CEACAM5: variants seen among roughly 807,000 people sequenced by gnomAD.
CEACAM5 encodes cell adhesion molecule CEACAM5.
A neutral mutation model predicts 63.0 loss-of-function variants in CEACAM5; 52 were observed. The ratio of observed to expected loss-of-function variants is 0.83; its 90% CI spans 0.66 to 1.04. The LOEUF (loss-of-function observed/expected upper bound fraction) is 1.04, where lower values mean the gene tolerates loss of function less well. Among genes scored for constraint, CEACAM5 ranks in the 50% least tolerant of loss-of-function variants. The probability of loss-of-function intolerance (pLI) is 0.00; values close to 1 mark genes in which losing one functional copy is unlikely to be tolerated. For synonymous variants in CEACAM5, 357 were observed against 351.3 expected (o/e 1.02, Z -0.18); for missense variants, 790 against 864.8 (o/e 0.91, Z 1.08).
rs1255506950 is a variant in CEACAM5 at position 41,729,756 on chromosome 19, C to T, written c.*609C>T. The T allele has an allele frequency of 3.9e-5, 6 of 152,168 alleles. No individual in the cohort carries two copies. Among genetic ancestry groups the T allele is most frequent in the Non-Finnish European group, 2.9e-5 (2 of 68,038 alleles). The allele number at this position is 152,168 out of a possible 1,614,324, so 9.4% of individuals were successfully genotyped here. On this transcript the variant is annotated 3_prime_UTR_variant, in exon 10 of 10. Coordinates refer to ENST00000221992, the MANE Select transcript of CEACAM5 (RefSeq NM_004363.6). ...AACTTTTTTTCTTTTAAGCTATCCA[C>T]AGCTTACAGCAATTTGATAAAATAT... is the stretch of plus-strand genomic sequence containing the variant.
intron 8 of CEACAM5, among the ~76,000 whole-genome samples, chr19:41,724,400 T>C (rs994989367): frequency 1.3e-5 from 2 of 152,236 alleles, no homozygotes; most frequent in African/African-American, 2.4e-5. Context: ...AATCAGGAAG[T>C]GTGAGTCCTC....
chr19:41,720,248 C>T, intron 7 of CEACAM5, 40 bp downstream of exon 7: 2 of 1,598,022 alleles, frequency 1.3e-6, no homozygotes, highest in Non-Finnish European at 1.7e-6. Context: ...GGTTTCCAAC[C>T]CAAATCCACA....
At chr19:41,727,395 C>A in intron 9 of CEACAM5, 43 bp downstream of exon 9, 1 of 967,632 alleles carries the variant, frequency 1.0e-6, no homozygotes, top group Non-Finnish European at 1.6e-6. Flanking sequence ...TCCTGCAGTG[C>A]TGACTGCCAT....
At chr19:41,716,417 C>T (rs1268544619) in intron 4 of CEACAM5, among the ~76,000 whole-genome samples, 3 of 152,234 alleles carry the variant, frequency 2.0e-5, no homozygotes, top group African/African-American at 7.2e-5. Flanking sequence ...TTGCCTGACT[C>T]CACCTAGGTG....
intron 6 of CEACAM5, 39 bp from the exon 7 acceptor site, chr19:41,719,891 G>C: frequency 6.2e-7 from 1 of 1,611,670 alleles, no homozygotes; most frequent in Non-Finnish European, 8.5e-7. Flanking sequence ...GGAATCAAAA[G>C]TGCCACACAG....
rs571582547 is a variant in CEACAM5, at chr19:41,720,716, G to A, written c.1772-206G>A. On this transcript the variant is annotated intron_variant, in intron 7 of 9. Coordinates refer to ENST00000221992, the MANE Select transcript of CEACAM5 (RefSeq NM_004363.6). ...GTAGAGACGGGGTTTCACCATGTTG[G>A]TCAGGCTGGTCTCGAACTCCTGATC... Among the ~76,000 whole-genome samples the A allele has an allele frequency of 2.2e-4, 34 of 152,130 alleles. No individual in the cohort carries two copies. In the South Asian group the frequency reaches 6.7e-3, roughly 30 times the overall value.
chr19:41,716,840 A>G (rs1318215287), intron 4 of CEACAM5, among the ~76,000 whole-genome samples: 2 of 152,078 alleles, frequency 1.3e-5, no homozygotes, highest in Non-Finnish European at 2.9e-5. Context: ...TTCCATCACC[A>G]CCATCTACCC....
Position 41,718,242 on chromosome 19 carries a change from T to A in CEACAM5, c.1352T>A (p.Ile451Asn), listed in dbSNP as rs112998286. The change falls in exon 6 of 10, where the codon ATT (isoleucine) becomes AAT (asparagine). Residue 451 changes from isoleucine (I) to asparagine (N), a missense_variant. Physicochemically the swap from Ile to Asn is moderately radical, Grantham distance 149 (BLOSUM62 -3). Transcript: ENST00000221992. ...CCACCTGCACAGTATTCTTGGCTGA[T>A]TGATGGGAACATCCAGCAACACACA... ...SNPPAQYSWL[I>N]DGNIQQHTQE... The A allele has an allele frequency of 5.0e-6, 8 of 1,614,062 alleles. No individual in the cohort carries two copies. The African/African-American group carries it at 1.1e-4, about 22-fold the overall frequency.
intron 3 of CEACAM5, 50 bp from the exon 4 acceptor site, chr19:41,715,600 T>C: frequency 1.2e-6 from 2 of 1,607,486 alleles, no homozygotes; most frequent in Non-Finnish European, 1.7e-6. Flanking sequence ...ACCAGGAACT[T>C]CCACTTCCCT....
chr19:41,728,288 A>T (rs1198518866), intron 9 of CEACAM5, among the ~76,000 whole-genome samples: 3 of 152,222 alleles, frequency 2.0e-5, no homozygotes, highest in African/African-American at 7.2e-5. Flanking sequence ...ATAGCTACAC[A>T]TTGGAATCAC....
At chr19:41,716,736 C>T (rs2072532847) in intron 4 of CEACAM5, among the ~76,000 whole-genome samples, 1 of 152,204 alleles carries the variant, frequency 6.6e-6, no homozygotes, top group South Asian at 2.1e-4. Flanking sequence ...TGTGTTTATA[C>T]AGATGGTAAC....
rs782184553 is a variant in CEACAM5, at chr19:41,718,148, A to G, written c.1258A>G (p.Ile420Val). Residue 420 changes from isoleucine (I) to valine (V), a missense_variant, in exon 6 of 10, where the codon ATT becomes GTT. Physicochemically the swap from Ile to Val is conservative, Grantham distance 29. Coordinates refer to ENST00000221992, the MANE Select transcript of CEACAM5 (RefSeq NM_004363.6). The stretch of plus-strand genomic sequence containing the variant: ...TCCAGATGGCCCAGACGACCCCACC[A>G]TTTCCCCCTCATACACCTATTACCG... ...NVLYGPDDPT[I>V]SPSYTYYRPG... 1.2e-6 allele frequency: 2 copies of G among 1,613,798 alleles called. No homozygotes were observed. Among genetic ancestry groups the G allele is most frequent in the Non-Finnish European group, 1.7e-6 (2 of 1,179,952 alleles).
At chr19:41,720,832 G>C in intron 7 of CEACAM5, 90 bp from the exon 8 acceptor site, 1 of 1,506,262 alleles carries the variant, frequency 6.6e-7, no homozygotes. Context: ...ATTGGGACAG[G>C]ATTCAGAGGG....
rs140159293 is a variant in CEACAM5, at chr19:41,718,287, A to G, written c.1397A>G (p.Asn466Ser). Reference protein sequence around the residue: ...QQHTQELFISNITEKNSGLYT... With the variant: ...QQHTQELFISSITEKNSGLYT... ...CACACACAAGAGCTCTTTATCTCCA[A>G]CATCACTGAGAAGAACAGCGGACTC... is the stretch of plus-strand genomic sequence containing the variant. The change falls in exon 6 of 10, where the codon AAC becomes AGC. Residue 466 changes from asparagine (N) to serine (S), a missense_variant. Asn to Ser is a conservative substitution (Grantham distance 46, BLOSUM62 1). Transcript: ENST00000221992. The G allele has an allele frequency of 6.2e-7, 1 of 1,614,128 alleles. No homozygotes were observed. The highest frequency in any genetic ancestry group is 1.1e-5 in the South Asian group (1 of 91,078).
At chr19:41,722,813 T>C (rs541480244) in intron 8 of CEACAM5, among the ~76,000 whole-genome samples, 1 of 152,362 alleles carries the variant, frequency 6.6e-6, no homozygotes, top group East Asian at 1.9e-4. Context: ...TGTACAAATA[T>C]CTGTTCAAAT....
chr19:41,709,537 G>T, intron 1 of CEACAM5, 143 bp from the exon 2 acceptor site: 1 of 1,115,026 alleles, frequency 9.0e-7, no homozygotes, highest in East Asian at 2.4e-5. Flanking sequence ...GACCTAGTAG[G>T]ACACACACAC....
At chr19:41,716,389 TC>T (rs2072527012) in intron 4 of CEACAM5, among the ~76,000 whole-genome samples, 1 of 152,210 alleles carries the variant, frequency 6.6e-6, no homozygotes, top group African/African-American at 2.4e-5. Flanking sequence ...TGCTCTGGGC[TC>T]CCCTGGGTGA....
chr19:41,715,652 G>A lies in CEACAM5; in HGVS notation c.706G>A (p.Gly236Ser). The change falls in exon 4 of 10, where the codon GGC (glycine) becomes AGC (serine). Residue 236 changes from glycine (G) to serine (S), a missense_variant and splice_region_variant. Transcript: ENST00000221992. Reference sequence around the variant, plus strand: ...TGGCTTTATTTTGTTTGCTCCAGATGGCCCGGATGCCCCCACCATTTCCCC... The same window carrying A: ...TGGCTTTATTTTGTTTGCTCCAGATAGCCCGGATGCCCCCACCATTTCCCC... ...SDSVILNVLY[G>S]PDAPTISPLN... 2 of 1,614,118 alleles carry A rather than the reference G, an allele frequency of 1.2e-6. No individual in the cohort carries two copies. Among genetic ancestry groups the A allele is most frequent in the Non-Finnish European group, 1.7e-6 (2 of 1,180,004 alleles).
Position 41,720,030 on chromosome 19 carries a change from C to T in CEACAM5, c.1593C>T (p.Thr531=). 6.2e-7 allele frequency: 1 copy of T among 1,614,250 alleles called. No individual in the cohort carries two copies. Among genetic ancestry groups the T allele is most frequent in the South Asian group, 1.1e-5 (1 of 91,090 alleles). Residue 531 remains threonine, a synonymous_variant, in exon 7 of 10, where the codon ACC becomes ACT. Coordinates refer to ENST00000221992, the MANE Select transcript of CEACAM5 (RefSeq NM_004363.6). ...GTGAACCTGAGGCTCAGAACACAAC[C>T]TACCTGTGGTGGGTAAATGGTCAGA... ...FTCEPEAQNT[T]YLWWVNGQSL...
Sources: gnomAD v4.1 joint callset for allele counts (sites outside exome capture counted in the v4.1 genomes callset) on GRCh38, gnomAD v4.1.1 for gene constraint, MANE v1.5 for transcripts, NCBI Gene and HGNC (gene_info 2026-07-23, HGNC 2026-07-21) for gene names.